NCKAP5: variants seen among roughly 807,000 people sequenced by gnomAD.
NCKAP5 encodes NCK associated protein 5, also known as nck-associated protein 5.
Under a neutral mutation model 167.0 loss-of-function variants are expected in NCKAP5, and 92 were observed. That is an observed-to-expected ratio of 0.55 (90% CI 0.47 to 0.66). The LOEUF (loss-of-function observed/expected upper bound fraction) is 0.66, where lower values mean the gene tolerates loss of function less well. NCKAP5 is among the 30% of genes least tolerant of loss of function. The probability of loss-of-function intolerance (pLI) is 0.00; values close to 1 mark genes in which losing one functional copy is unlikely to be tolerated. For synonymous variants in NCKAP5, 891 were observed against 877.4 expected, an observed-to-expected ratio of 1.02 and a Z score of -0.27; for missense variants, 2,378 against 2,315.0, an observed-to-expected ratio of 1.03 and a Z score of -0.56.
In NCKAP5 at chr2:132,908,909, T is replaced by C. The variant is rs555909214; in HGVS notation, c.580-29993A>G. Among the ~76,000 whole-genome samples, 20 of 152,340 alleles carry C rather than the reference T, an allele frequency of 1.3e-4. No homozygotes were observed. In the South Asian group the frequency reaches 3.1e-3, roughly 24 times the overall value. ...GCAGCTGATTACAATTACGAATCTT[T>C]CCAACTGAAAGATCAGCCAACACAC... On this transcript the variant is annotated intron_variant, in intron 8 of 19. Coordinates refer to ENST00000409261, the MANE Select transcript of NCKAP5 (RefSeq NM_207363.3).
intron 5 of NCKAP5, among the ~76,000 whole-genome samples, chr2:133,169,720 G>A (rs1432486806): frequency 1.3e-5 from 2 of 152,212 alleles, no homozygotes; most frequent in Non-Finnish European, 2.9e-5. Flanking sequence ...CCCCACAAGA[G>A]TGCTACGCAG....
At chr2:133,255,420 C>G (rs1171756866) in intron 4 of NCKAP5, among the ~76,000 whole-genome samples, 3 of 152,086 alleles carry the variant, frequency 2.0e-5, no homozygotes, top group Non-Finnish European at 4.4e-5. Context: ...AAGCAGAAAC[C>G]CTGTGGTTTC....
At chr2:133,477,561 T>C (rs1325441289) in intron 3 of NCKAP5, among the ~76,000 whole-genome samples, 1 of 152,208 alleles carries the variant, frequency 6.6e-6, no homozygotes, top group Non-Finnish European at 1.5e-5. Context: ...ACTATGTTTT[T>C]TCCTACACAT....
the NCKAP5 span, among the ~76,000 whole-genome samples, chr2:133,575,618 T>A: frequency 1.5e-4 from 23 of 152,300 alleles, no homozygotes; most frequent in Admixed American, 1.2e-3. Context: ...TTTTGAGTGT[T>A]ACAATAGCAA....
At chr2:133,526,086 A>G (rs770193289) in intron 2 of NCKAP5, among the ~76,000 whole-genome samples, 7 of 151,750 alleles carry the variant, frequency 4.6e-5, no homozygotes, top group Admixed American at 1.3e-4. Flanking sequence ...TTCTATACCT[A>G]TTTTGTCCCA....
At position 132,883,205 on chromosome 2, in the gene NCKAP5, T is replaced by TACACACACACACACACACAC. The variant is rs3044408; in HGVS notation, c.580-4309_580-4290dup. 1.6e-3 allele frequency among the ~76,000 whole-genome samples: 227 copies of TACACACACACACACACACAC among 139,742 alleles called. 1 individual carries two copies. The highest frequency in any genetic ancestry group is 0.011 in the Middle Eastern group (3 of 280). The allele number at this position is 139,742 out of a possible 152,430, so 91.7% of individuals were successfully genotyped here. On this transcript the variant is annotated intron_variant, in intron 8 of 19. Transcript: ENST00000409261. Reference sequence around the variant, plus strand: ...CGACAAAACCAGACCCTGACTCAAATACACACACACACACACACACACACA... The same window carrying TACACACACACACACACACAC: ...CGACAAAACCAGACCCTGACTCAAATACACACACACACACACACACACACACACACACACACACACACACA...
intron 7 of NCKAP5, among the ~76,000 whole-genome samples, chr2:132,980,739 C>T (rs529149409): frequency 5.5e-4 from 84 of 152,054 alleles, no homozygotes; most frequent in Non-Finnish European, 8.1e-4. Flanking sequence ...ATTTTCACTA[C>T]CAGTCCCCCA....
At chr2:133,488,908 C>T (rs569091234) in intron 3 of NCKAP5, among the ~76,000 whole-genome samples, 16 of 152,024 alleles carry the variant, frequency 1.1e-4, no homozygotes, top group African/African-American at 3.9e-4. Flanking sequence ...AGCAAGACTC[C>T]ATCTCAAAAA....
chr2:133,466,586 A>T (rs1268374585), intron 3 of NCKAP5, among the ~76,000 whole-genome samples: 51 of 152,114 alleles, frequency 3.4e-4, no homozygotes, highest in South Asian at 4.2e-4. Flanking sequence ...ATTGAATCTA[A>T]AAATTACCTT....
At chr2:133,624,340 T>C in the NCKAP5 span, among the ~76,000 whole-genome samples, 2 of 152,152 alleles carry the variant, frequency 1.3e-5, no homozygotes, top group African/African-American at 4.8e-5. Context: ...CAAGATCCAT[T>C]GAGCCACGGT....
chr2:132,879,218 T>G (rs968150996), intron 8 of NCKAP5, among the ~76,000 whole-genome samples: 6 of 152,238 alleles, frequency 3.9e-5, no homozygotes, highest in Non-Finnish European at 8.8e-5. Context: ...AATGTTTATT[T>G]TATTCTGTGA....
intron 5 of NCKAP5, among the ~76,000 whole-genome samples, chr2:133,164,962 T>C (rs191486576): frequency 2.6e-4 from 40 of 152,346 alleles, no homozygotes; most frequent in Admixed American, 2.5e-3. Context: ...GAAGACAGAC[T>C]AGGTAACACA....
intron 7 of NCKAP5, among the ~76,000 whole-genome samples, chr2:132,973,394 A>T (rs2076890028): frequency 6.6e-6 from 1 of 152,196 alleles, no homozygotes; most frequent in African/African-American, 2.4e-5. Context: ...GAAGAAAGAA[A>T]TCTGCATTCC....
intron 3 of NCKAP5, among the ~76,000 whole-genome samples, chr2:133,410,825 T>A (rs1432345115): frequency 1.3e-5 from 2 of 152,208 alleles, no homozygotes; most frequent in African/African-American, 2.4e-5. Context: ...TCATGTTAGA[T>A]GCTTTTAAAA....
At chr2:133,639,392 G>C in the NCKAP5 span, among the ~76,000 whole-genome samples, 1 of 152,170 alleles carries the variant, frequency 6.6e-6, no homozygotes, top group East Asian at 1.9e-4. Flanking sequence ...CAAGAAAAAA[G>C]TAGCTTATAA....
chr2:132,839,548 C>T (rs899793817), intron 11 of NCKAP5, among the ~76,000 whole-genome samples: 3 of 150,252 alleles, frequency 2.0e-5, no homozygotes, highest in African/African-American at 7.5e-5. Context: ...ATTGCTTAAG[C>T]GCAGGAGTTC....
chr2:132,993,917 AT>A (rs1157872914), intron 7 of NCKAP5, among the ~76,000 whole-genome samples: 2 of 149,810 alleles, frequency 1.3e-5, no homozygotes, highest in African/African-American at 2.5e-5. Flanking sequence ...CCACAAACTT[AT>A]TTTTTGCATC....
At chr2:133,521,499 C>G (rs564729905) in intron 2 of NCKAP5, among the ~76,000 whole-genome samples, 1 of 152,228 alleles carries the variant, frequency 6.6e-6, no homozygotes. Flanking sequence ...ACAGACTGAG[C>G]GGATTACACA....
chr2:132,909,155 T>G (rs772157197), intron 8 of NCKAP5, among the ~76,000 whole-genome samples: 8 of 152,172 alleles, frequency 5.3e-5, no homozygotes, highest in Non-Finnish European at 1.0e-4. Flanking sequence ...AAGACCAGCA[T>G]GGTCAACATG....
Sources: allele counts gnomAD v4.1 joint callset (sites outside exome capture counted in the v4.1 genomes callset), GRCh38; gene constraint gnomAD v4.1.1; transcripts MANE v1.5; gene names NCBI Gene and HGNC (gene_info 2026-07-23, HGNC 2026-07-21).